Variants in NXPH2 observed in about 807,000 individuals in gnomAD.
NXPH2 encodes neurexophilin-2.
Under a neutral mutation model 19.8 loss-of-function variants are expected in NXPH2, and 5 were observed. The ratio of observed to expected loss-of-function variants is 0.25; its 90% CI spans 0.13 to 0.53. The LOEUF is 0.53. NXPH2 is among the 20% of genes least tolerant of loss of function. The pLI is 0.96. For synonymous variants in NXPH2, 154 were observed against 127.4 expected, an observed-to-expected ratio of 1.21 and a Z score of -1.41; for missense variants, 289 against 322.8, an observed-to-expected ratio of 0.90 and a Z score of 0.80.
chr2:138,760,678 C>A (rs1031851349), intron 1 of NXPH2, among the ~76,000 whole-genome samples: 1 of 152,154 alleles, frequency 6.6e-6, no homozygotes, highest in Admixed American at 6.6e-5. Flanking sequence ...AGGTTCCTGG[C>A]GGTTCCTGGC....
chr2:138,745,493 CGG>C (rs56011084), intron 1 of NXPH2, among the ~76,000 whole-genome samples: 15,061 of 90,080 alleles, frequency 0.17, 1,195 homozygotes, highest in African/African-American at 0.29. Context: ...CTTTTTTTGG[CGG>C]GGGGGGGGGG....
At chr2:138,720,954 T>C (rs1175288643) in intron 1 of NXPH2, among the ~76,000 whole-genome samples, 1 of 152,174 alleles carries the variant, frequency 6.6e-6, no homozygotes, top group African/African-American at 2.4e-5. Context: ...GAAGGTAGTA[T>C]TTAAGAGTGC....
At chr2:138,682,916 T>C (rs1680599125) in intron 1 of NXPH2, among the ~76,000 whole-genome samples, 2 of 152,302 alleles carry the variant, frequency 1.3e-5, no homozygotes, top group South Asian at 2.1e-4. Flanking sequence ...AGAAATATCA[T>C]GTATGCATGC....
intron 1 of NXPH2, among the ~76,000 whole-genome samples, chr2:138,735,382 A>T (rs941502129): frequency 5.9e-5 from 9 of 152,162 alleles, no homozygotes; most frequent in African/African-American, 2.2e-4. Context: ...AGGAGGAGCA[A>T]GTCATATCTT....
intron 1 of NXPH2, among the ~76,000 whole-genome samples, chr2:138,696,149 T>C (rs887370028): frequency 6.6e-6 from 1 of 152,150 alleles, no homozygotes; most frequent in Non-Finnish European, 1.5e-5. Context: ...ACAAGTACAA[T>C]CTTCCCAGAC....
At chr2:138,697,406 A>G (rs547693667) in intron 1 of NXPH2, among the ~76,000 whole-genome samples, 1 of 152,262 alleles carries the variant, frequency 6.6e-6, no homozygotes, top group South Asian at 2.1e-4. Context: ...TCTGTTAATT[A>G]TAGCATTATT....
rs56296863 is a variant in NXPH2 at position 138,771,476 on chromosome 2, T to TAA, written c.51+8713_51+8714dup. Among the ~76,000 whole-genome samples the TAA allele has an allele frequency of 2.1e-5, 3 of 141,684 alleles. No individual in the cohort carries two copies. The East Asian group carries it at 6.2e-4, about 29-fold the overall frequency. 93.0% of individuals were successfully genotyped at this position (141,684 alleles called of 152,430 possible). Reference sequence around the variant, plus strand: ...TACTTAAAGAAATTCTGAGTAGTACTAAAAAAAAAAAAAATTAAACAGAAA... The same window carrying TAA: ...TACTTAAAGAAATTCTGAGTAGTACTAAAAAAAAAAAAAAAATTAAACAGAAA... On this transcript the variant is annotated intron_variant, in intron 1 of 1. Coordinates refer to ENST00000272641, the MANE Select transcript of NXPH2 (RefSeq NM_007226.3).
intron 1 of NXPH2, among the ~76,000 whole-genome samples, chr2:138,694,685 T>C (rs1283454348): frequency 6.6e-6 from 1 of 152,196 alleles, no homozygotes; most frequent in African/African-American, 2.4e-5. Flanking sequence ...GTATAGATGG[T>C]CTCTGACTTA....
Position 138,779,237 on chromosome 2 carries a change from A to G in NXPH2, c.51+954T>C, listed in dbSNP as rs998093221. 5.3e-5 allele frequency among the ~76,000 whole-genome samples: 8 copies of G among 152,244 alleles called. 1 individual carries two copies. The South Asian group carries it at 1.2e-3, about 24-fold the overall frequency. On this transcript the variant is annotated intron_variant, in intron 1 of 1. Transcript: ENST00000272641. ...CTCTTAATAGCACCCTAACAAGGCAAGAGCTAAGTGACCAGAAGAAATCCA... is the reference window on the plus strand; with the variant it reads ...CTCTTAATAGCACCCTAACAAGGCAGGAGCTAAGTGACCAGAAGAAATCCA...
At chr2:138,685,550 G>A (rs970899962) in intron 1 of NXPH2, among the ~76,000 whole-genome samples, 3 of 152,134 alleles carry the variant, frequency 2.0e-5, no homozygotes, top group Admixed American at 2.0e-4. Flanking sequence ...TTAACCTACT[G>A]ATCGTCATAG....
At chr2:138,723,392 A>C (rs1681309462) in intron 1 of NXPH2, among the ~76,000 whole-genome samples, 1 of 152,198 alleles carries the variant, frequency 6.6e-6, no homozygotes, top group Non-Finnish European at 1.5e-5. Flanking sequence ...TGAGGGGAAA[A>C]AATCAGCCCA....
chr2:138,749,061 A>G (rs544601832), intron 1 of NXPH2, among the ~76,000 whole-genome samples: 6 of 152,270 alleles, frequency 3.9e-5, no homozygotes, highest in Admixed American at 1.3e-4. Context: ...TTCACCTTGA[A>G]TTTTAATCCT....
At chr2:138,706,087 T>G (rs1681005255) in intron 1 of NXPH2, among the ~76,000 whole-genome samples, 2 of 152,318 alleles carry the variant, frequency 1.3e-5, no homozygotes. Flanking sequence ...TATCAGAGTG[T>G]TTTAAGGGAA....
At chr2:138,779,135 G>T (rs900719047) in intron 1 of NXPH2, among the ~76,000 whole-genome samples, 6 of 152,196 alleles carry the variant, frequency 3.9e-5, no homozygotes, top group African/African-American at 1.2e-4. Flanking sequence ...CGAGAGAGAA[G>T]AGACTGTCAT....
At chr2:138,704,822 AAT>A (rs1680983485) in intron 1 of NXPH2, among the ~76,000 whole-genome samples, 1 of 101,484 alleles carries the variant, frequency 9.9e-6, no homozygotes, top group Non-Finnish European at 2.1e-5. Flanking sequence ...ACGCCCAGCT[AAT>A]TTTTTTTTTT....
At chr2:138,680,639 G>A (rs1680566538) in intron 1 of NXPH2, among the ~76,000 whole-genome samples, 1 of 152,120 alleles carries the variant, frequency 6.6e-6, no homozygotes, top group Non-Finnish European at 1.5e-5. Context: ...ATATCAGAAG[G>A]TGGAAATGCT....
At chr2:138,708,197 G>A (rs148761882) in intron 1 of NXPH2, among the ~76,000 whole-genome samples, 2 of 152,152 alleles carry the variant, frequency 1.3e-5, no homozygotes, top group South Asian at 2.1e-4. Context: ...CAGGAAAGCC[G>A]ATCTGGAAAA....
At chr2:138,698,044 A>G (rs1680854571) in intron 1 of NXPH2, among the ~76,000 whole-genome samples, 1 of 152,160 alleles carries the variant, frequency 6.6e-6, no homozygotes, top group Non-Finnish European at 1.5e-5. Flanking sequence ...CTTTTGATGT[A>G]ATAATTGTAC....
intron 1 of NXPH2, among the ~76,000 whole-genome samples, chr2:138,753,744 C>T (rs996521493): frequency 6.6e-6 from 1 of 152,136 alleles, no homozygotes. Context: ...ATTCCAGCTT[C>T]AGAGTGAGAA....
Sources: allele counts gnomAD v4.1 joint callset (sites outside exome capture counted in the v4.1 genomes callset), GRCh38; gene constraint gnomAD v4.1.1; transcripts MANE v1.5; gene names NCBI Gene and HGNC (gene_info 2026-07-23, HGNC 2026-07-21).